The following SEMA4C variants were observed in gnomAD, a reference collection of about 807,000 sequenced individuals.
The protein encoded by SEMA4C is semaphorin 4C, also known as semaphorin-4C.
SEMA4C carries 19 observed loss-of-function variants against 89.0 expected under a neutral mutation model. The observed-to-expected ratio is 0.21, with a 90% CI of 0.15 to 0.31. The LOEUF (loss-of-function observed/expected upper bound fraction) is 0.31. Among genes scored for constraint, SEMA4C ranks in the 10% least tolerant of loss-of-function variants. The pLI is 1.00. For synonymous variants in SEMA4C, 428 were observed against 472.7 expected (o/e 0.91, Z 1.23); for missense variants, 811 against 1,107.0 (o/e 0.73, Z 3.79).
At chr2:96,868,539 CG>C (rs901302538) in intron 1 of SEMA4C, 2 of 985,816 alleles carry the variant, frequency 2.0e-6, no homozygotes, top group African/African-American at 3.5e-5. Context: ...TGAGAAGGGC[CG>C]GGAGCGAAGG....
Position 96,863,773 on chromosome 2 carries a change from G to A in SEMA4C, c.1352C>T (p.Ala451Val), listed in dbSNP as rs2080006066. ...IGTGDGWLLK[A>V]VSLGPWVHLI... ...GTGAACCCAGGGCCCCAGGCTCACA[G>A]CCTTGAGCAGCCAGCCGTCTCCTGG... Residue 451 changes from alanine to valine, a missense_variant, in exon 12 of 15, where the codon GCT (alanine) becomes GTT (valine). Ala to Val is a moderately conservative substitution (Grantham distance 64). Transcript: ENST00000305476. The A allele has an allele frequency of 6.2e-7, 1 of 1,614,010 alleles. No homozygotes were observed. Among genetic ancestry groups the A allele is most frequent in the Non-Finnish European group, 8.5e-7 (1 of 1,180,034 alleles).
Position 96,861,589 on chromosome 2 carries a change from G to A in SEMA4C, c.1662C>T (p.Gly554=). Reference sequence around the variant, plus strand: ...AATGAAAAAGCTCACCTTTCTTACTGCCACGGAGGTTGCAGATGCCTGAAG... The same window carrying A: ...AATGAAAAAGCTCACCTTTCTTACTACCACGGAGGTTGCAGATGCCTGAAG... ...SDTSGICNLR[G]SKKVRPTPKN... is the part of the protein sequence containing the mutation. Residue 554 remains glycine, a synonymous_variant, in exon 14 of 15, where the codon GGC becomes GGT. Coordinates refer to ENST00000305476, the MANE Select transcript of SEMA4C (RefSeq NM_017789.5). The surrounding 1 kb of genome is among the most constrained non-coding windows in gnomAD (Gnocchi z 7.8). 2.5e-6 allele frequency: 4 copies of A among 1,587,522 alleles called. No individual in the cohort carries two copies. The highest frequency in any genetic ancestry group is 3.4e-6 in the Non-Finnish European group (4 of 1,163,482).
chr2:96,869,608 G>C (rs1277465434), intron 1 of SEMA4C: 2 of 985,056 alleles, frequency 2.0e-6, no homozygotes, highest in African/African-American at 1.7e-5. Flanking sequence ...GCCGCGGACC[G>C]GACCGCGCGA....
rs139208590 is a variant in SEMA4C, at chr2:96,865,708, G to A, written c.378C>T (p.Tyr126=). Residue 126 remains tyrosine (Y), a synonymous_variant, in exon 5 of 15, where the codon TAC becomes TAT. Transcript: ENST00000305476. ...GCTGGAAGGCGTAGGTGCCACAGAC[G>A]TACAGGTGGGAGGCATTGTAGGGCT... ...FLQPYNASHL[Y]VCGTYAFQPK... The A allele has an allele frequency of 8.0e-5, 129 of 1,614,148 alleles. No homozygotes were observed. The African/African-American group carries it at 1.3e-3, about 16-fold the overall frequency.
In SEMA4C at chr2:96,865,320, T is replaced by C. The variant is rs1179686021; in HGVS notation, c.518A>G (p.Asp173Gly). The change falls in exon 7 of 15, where the codon GAT becomes GGT. Residue 173 changes from aspartate (D) to glycine (G), a missense_variant and splice_region_variant. Physicochemically the swap from Asp to Gly is moderately conservative, Grantham distance 94 (BLOSUM62 -1). Transcript: ENST00000305476. ...GAGTGTGGCCGAGTACAGCTCACCA[T>C]CTATGGGAGACAGAGGTCAGCTAGG... ...PAKGHAGLLV[D>G]GELYSATLNN... 1.9e-6 allele frequency: 3 copies of C among 1,613,998 alleles called. No homozygotes were observed. In the African/African-American group the frequency reaches 4.0e-5, roughly 22 times the overall value.
At chr2:96,869,212 C>A in intron 1 of SEMA4C, 1 of 985,394 alleles carries the variant, frequency 1.0e-6, no homozygotes, top group Non-Finnish European at 1.2e-6. Flanking sequence ...CACCCCGTGG[C>A]GTGCTCCGAG....
chr2:96,869,528 A>G (rs2153366073), intron 1 of SEMA4C: 3 of 985,150 alleles, frequency 3.0e-6, no homozygotes, highest in South Asian at 4.7e-5. Context: ...GCCTCCCTCC[A>G]AGCCCGCCCC....
chr2:96,861,081 CCAG>C lies in SEMA4C; in HGVS notation c.2044_2046del (p.Leu682del), dbSNP rs756657349. 6.2e-7 allele frequency: 1 copy of C among 1,612,642 alleles called. No individual in the cohort carries two copies. ...CGCAGCCGCCGGCGCAATGACAGCACCAGCAGCAGCAGCACCAGGCACACAGCC... is the reference window on the plus strand; with the variant it reads ...CGCAGCCGCCGGCGCAATGACAGCACCAGCAGCAGCACCAGGCACACAGCC... On this transcript the variant is annotated inframe_deletion, in exon 15 of 15. Coordinates refer to ENST00000305476, the MANE Select transcript of SEMA4C (RefSeq NM_017789.5). This position sits in a 1 kb window ranked among gnomAD's most constrained non-coding sequence, Gnocchi z 7.8.
intron 12 of SEMA4C, chr2:96,863,220 C>A: frequency 3.0e-6 from 3 of 990,386 alleles, no homozygotes; most frequent in Non-Finnish European, 3.6e-6. Flanking sequence ...AAAAAAAAAC[C>A]AAAAAGAGTA....
chr2:96,864,662 AC>A lies in SEMA4C; in HGVS notation c.962+42del. On this transcript the variant is annotated intron_variant, in intron 9 of 14. Coordinates refer to ENST00000305476, the MANE Select transcript of SEMA4C (RefSeq NM_017789.5). The surrounding 1 kb of genome is among the most constrained non-coding windows in gnomAD (Gnocchi z 6.3). The stretch of plus-strand genomic sequence containing the variant: ...CACCCATGCACCGTCCCTGACCTGA[AC>A]CCCAGCTCCTCCCCACTCTGTGGGA... 1 of 1,568,874 alleles carries A rather than the reference AC, an allele frequency of 6.4e-7. No homozygotes were observed. The highest frequency in any genetic ancestry group is 8.7e-7 in the Non-Finnish European group (1 of 1,154,576).
In SEMA4C at chr2:96,860,651, G is replaced by C. The variant is rs1308435255; in HGVS notation, c.2477C>G (p.Ser826Cys). The change falls in exon 15 of 15, where the codon TCC becomes TGC. Residue 826 changes from serine to cysteine, a missense_variant. Transcript: ENST00000305476. ...TCATACTGATGACTCCTCGGGGTTGGAGTCGGGCAGTGGCTGGCGTTGCTG... is the reference window on the plus strand; with the variant it reads ...TCATACTGATGACTCCTCGGGGTTGCAGTCGGGCAGTGGCTGGCGTTGCTG... ...KLQQRQPLPD[S>C]NPEESSV The C allele has an allele frequency of 1.2e-6, 2 of 1,611,814 alleles. No individual in the cohort carries two copies. The highest frequency in any genetic ancestry group is 1.7e-5 in the Admixed American group (1 of 59,884).
At chr2:96,862,014 G>T in intron 12 of SEMA4C, 120 bp from the exon 13 acceptor site, 2 of 1,080,270 alleles carry the variant, frequency 1.9e-6, no homozygotes, top group Non-Finnish European at 1.3e-6. Context: ...AGCACGGGGC[G>T]CCAGAAGGAG....
At position 96,860,299 on chromosome 2, in the gene SEMA4C, TACACAC is replaced by T. The variant is rs371711785; in HGVS notation, c.*321_*326del. ...GCGCGCACGCGCGTGCACACACACA[TACACAC>T]ACACACAAACACATGTGCAAATACA... On this transcript the variant is annotated 3_prime_UTR_variant, in exon 15 of 15. Transcript: ENST00000305476. The T allele has an allele frequency of 1.4e-5, 5 of 357,146 alleles. No individual in the cohort carries two copies. In the East Asian group the frequency reaches 2.4e-4, roughly 17 times the overall value. 22.1% of individuals were successfully genotyped at this position (357,146 alleles called of 1,614,324 possible).
chr2:96,869,979 C>T lies in SEMA4C; in HGVS notation c.-141G>A. 1.0e-6 allele frequency: 1 copy of T among 986,448 alleles called. No individual in the cohort carries two copies. The highest frequency in any genetic ancestry group is 1.2e-6 in the Non-Finnish European group (1 of 830,304). 61.1% of individuals were successfully genotyped at this position (986,448 alleles called of 1,614,324 possible). Reference sequence around the variant, plus strand: ...CCGCCTGCCCGCGCTCGCCCGCCAGCCCTCCGCGGCCTCTCTGCCACCGCC... The same window carrying T: ...CCGCCTGCCCGCGCTCGCCCGCCAGTCCTCCGCGGCCTCTCTGCCACCGCC... On this transcript the variant is annotated 5_prime_UTR_variant, in exon 1 of 15. Transcript: ENST00000305476.
At chr2:96,862,090 G>A in intron 12 of SEMA4C, 196 bp from the exon 13 acceptor site, 1 of 612,176 alleles carries the variant, frequency 1.6e-6, no homozygotes, top group South Asian at 2.0e-5. Context: ...GAACTCAGAG[G>A]GCTTACACAG....
chr2:96,867,504 C>G (rs979580051), intron 2 of SEMA4C, among the ~76,000 whole-genome samples: 1 of 152,164 alleles, frequency 6.6e-6, no homozygotes, highest in Non-Finnish European at 1.5e-5. Flanking sequence ...TCTTTAGGCT[C>G]CCAGCGCCAG....
At position 96,867,774 on chromosome 2, in the gene SEMA4C, T is replaced by C; in HGVS notation, c.109+4A>G. 6.2e-7 allele frequency: 1 copy of C among 1,613,060 alleles called. No homozygotes were observed. The highest frequency in any genetic ancestry group is 8.5e-7 in the Non-Finnish European group (1 of 1,179,614). ...ACTTCCTCCTCACCCCTCCAGGCACTCACCCCCAGAAGACACTGTCTTACG... is the reference window on the plus strand; with the variant it reads ...ACTTCCTCCTCACCCCTCCAGGCACCCACCCCCAGAAGACACTGTCTTACG... On this transcript the variant is annotated splice_donor_region_variant and intron_variant, in intron 2 of 14. Transcript: ENST00000305476.
Position 96,860,408 on chromosome 2 carries a change from G to A in SEMA4C, c.*218C>T. On this transcript the variant is annotated 3_prime_UTR_variant, in exon 15 of 15. Transcript: ENST00000305476. ...CCCGCGTGTCTGTGATTCACAGAGA[G>A]GAGGAAGATGCCTTCTGCGAGGCTG... 2 of 534,172 alleles carry A rather than the reference G, an allele frequency of 3.7e-6. No individual in the cohort carries two copies. Among genetic ancestry groups the A allele is most frequent in the African/African-American group, 1.9e-5 (1 of 52,702 alleles). The allele number at this position is 534,172 out of a possible 1,614,324, so 33.1% of individuals were successfully genotyped here.
At position 96,861,993 on chromosome 2, in the gene SEMA4C, G is replaced by A; in HGVS notation, c.1444-99C>T. The A allele has an allele frequency of 4.5e-6, 6 of 1,323,696 alleles. No individual in the cohort carries two copies. Among genetic ancestry groups the A allele is most frequent in the Non-Finnish European group, 6.2e-6 (6 of 967,292 alleles). The allele number at this position is 1,323,696 out of a possible 1,614,324, so 82.0% of individuals were successfully genotyped here. A position where few individuals can be genotyped will look rare whatever the true frequency, so the allele number is the denominator to read the frequency against. On this transcript the variant is annotated intron_variant, in intron 12 of 14. Coordinates refer to ENST00000305476, the MANE Select transcript of SEMA4C (RefSeq NM_017789.5). This position sits in a 1 kb window ranked among gnomAD's most constrained non-coding sequence, Gnocchi z 7.8. ...CAGCATGGGGACAGCTTGGACTCCT[G>A]CAGGGGGCACAGCACGGGGCGCCAG... is the stretch of plus-strand genomic sequence containing the variant.
Sources: gnomAD v4.1 joint callset for allele counts (sites outside exome capture counted in the v4.1 genomes callset) on GRCh38, gnomAD v4.1.1 for gene constraint, Gnocchi (gnomAD v3.1) non-coding constraint, MANE v1.5 for transcripts, NCBI Gene and HGNC (gene_info 2026-07-23, HGNC 2026-07-21) for gene names.